The following RBFOX1 variants were observed in gnomAD, a reference collection of about 807,000 sequenced individuals.
RBFOX1 encodes RNA binding fox-1 homolog 1.
Under a neutral mutation model 57.7 loss-of-function variants are expected in RBFOX1, and 8 were observed. The ratio of observed to expected loss-of-function variants is 0.14; its 90% CI spans 0.08 to 0.25. The LOEUF is 0.25. Among genes scored for constraint, RBFOX1 ranks in the 10% least tolerant of loss-of-function variants. The pLI is 1.00. For synonymous variants in RBFOX1, 326 were observed against 222.4 expected (o/e 1.47, Z -4.15); for missense variants, 611 against 548.5 (o/e 1.11, Z -1.14).
intron 1 of RBFOX1, among the ~76,000 whole-genome samples, chr16:6,254,620 C>A (rs570642272): frequency 5.3e-5 from 8 of 152,104 alleles, no homozygotes; most frequent in Non-Finnish European, 1.2e-4. Context: ...CCTTCATAAA[C>A]CTTTGACTGA....
chr16:6,464,196 A>G (rs2094986837), intron 2 of RBFOX1, among the ~76,000 whole-genome samples: 1 of 152,174 alleles, frequency 6.6e-6, no homozygotes, highest in South Asian at 2.1e-4. Flanking sequence ...GATCTTTACA[A>G]CTTGAATTGG....
Position 7,019,763 on chromosome 16 carries a change from C to G in RBFOX1, c.-15-32294C>G, listed in dbSNP as rs541230158. On this transcript the variant is annotated intron_variant, in intron 3 of 15. Transcript: ENST00000550418. ...ACTGCATGTTTATGGGCTTTGCCCA[C>G]CAGGTTTAGCTTGTACAAGGAAATA... Among the ~76,000 whole-genome samples the G allele has an allele frequency of 9.2e-5, 14 of 152,294 alleles. No homozygotes were observed. In the South Asian group the frequency reaches 2.9e-3, roughly 32 times the overall value.
intron 2 of RBFOX1, among the ~76,000 whole-genome samples, chr16:6,568,971 C>G (rs1402300941): frequency 6.6e-6 from 1 of 152,070 alleles, no homozygotes; most frequent in Non-Finnish European, 1.5e-5. Context: ...TGGGATTTCA[C>G]CACATTGGCC....
intron 4 of RBFOX1, among the ~76,000 whole-genome samples, chr16:7,462,446 G>A (rs1252594865): frequency 6.6e-6 from 1 of 152,184 alleles, no homozygotes; most frequent in African/African-American, 2.4e-5. Flanking sequence ...AGCCAAGATC[G>A]TGCCATTGCA....
At chr16:7,070,646 T>C (rs2057137686) in intron 4 of RBFOX1, among the ~76,000 whole-genome samples, 1 of 152,220 alleles carries the variant, frequency 6.6e-6, no homozygotes, top group South Asian at 2.1e-4. Flanking sequence ...AATGTTCTAA[T>C]GCAGAGCCAT....
At chr16:5,727,548 A>G (rs2052198797) in intron 3 of RBFOX1, among the ~76,000 whole-genome samples, 2 of 152,188 alleles carry the variant, frequency 1.3e-5, no homozygotes, top group African/African-American at 4.8e-5. Flanking sequence ...GCTATTATGT[A>G]GAGTCACCAT....
At chr16:7,083,075 A>G (rs1390678254) in intron 4 of RBFOX1, among the ~76,000 whole-genome samples, 1 of 152,100 alleles carries the variant, frequency 6.6e-6, no homozygotes, top group Non-Finnish European at 1.5e-5. Context: ...TAAATAGAAA[A>G]TGTCACTCTG....
chr16:6,907,642 C>T (rs1335123675), intron 3 of RBFOX1, among the ~76,000 whole-genome samples: 1 of 152,198 alleles, frequency 6.6e-6, no homozygotes, highest in Non-Finnish European at 1.5e-5. Context: ...ACGATCTTGG[C>T]TCACTGCAGC....
chr16:6,662,712 A>G (rs1441907503), intron 3 of RBFOX1, among the ~76,000 whole-genome samples: 1 of 152,138 alleles, frequency 6.6e-6, no homozygotes, highest in Non-Finnish European at 1.5e-5. Flanking sequence ...CTTTTTGACC[A>G]AGAGACCCAG....
intron 4 of RBFOX1, among the ~76,000 whole-genome samples, chr16:7,088,691 A>C (rs75402406): frequency 0.015 from 2,221 of 152,258 alleles, 45 homozygotes; most frequent in African/African-American, 0.051. Context: ...GTTTTGGGAG[A>C]CAAATATATA....
Position 6,720,638 on chromosome 16 carries a change from G to A in RBFOX1, c.-16+65988G>A, listed in dbSNP as rs117800774. The stretch of plus-strand genomic sequence containing the variant: ...GGAGAATAGTTGGGGAGAAAGAGAC[G>A]TGTCGGGAGAATAGTTGGTGAGAAG... On this transcript the variant is annotated intron_variant, in intron 3 of 15. Coordinates refer to ENST00000550418, the MANE Select transcript of RBFOX1 (RefSeq NM_018723.4). 2.6e-3 allele frequency among the ~76,000 whole-genome samples: 398 copies of A among 152,186 alleles called. 2 individuals carry two copies. In the Middle Eastern group the frequency reaches 0.031, roughly 12 times the overall value.
chr16:6,518,773 A>ATCCGTCTG (rs1430925428), intron 2 of RBFOX1, among the ~76,000 whole-genome samples: 1 of 77,366 alleles, frequency 1.3e-5, no homozygotes, highest in Non-Finnish European at 2.9e-5. Flanking sequence ...CTATCTATCC[A>ATCCGTCTG]TCTGTCTGTC....
chr16:5,535,043 A>G (rs73516471), intron 2 of RBFOX1, among the ~76,000 whole-genome samples: 12,676 of 152,250 alleles, frequency 0.083, 1,199 homozygotes, highest in African/African-American at 0.23. Context: ...AACTATCCTC[A>G]TGGGGCTTAG....
At chr16:6,594,456 C>T (rs531808527) in intron 2 of RBFOX1, among the ~76,000 whole-genome samples, 13 of 152,220 alleles carry the variant, frequency 8.5e-5, no homozygotes, top group African/African-American at 2.6e-4. Context: ...GTGGCAAACT[C>T]GGCAATAAAT....
chr16:7,223,293 C>G (rs888706137), intron 4 of RBFOX1, among the ~76,000 whole-genome samples: 6 of 152,186 alleles, frequency 3.9e-5, no homozygotes, highest in African/African-American at 1.2e-4. Flanking sequence ...CTGGGTGTCT[C>G]TTGATTGTCA....
intron 2 of RBFOX1, among the ~76,000 whole-genome samples, chr16:6,619,881 C>A (rs138601103): frequency 7.9e-5 from 12 of 152,022 alleles, no homozygotes; most frequent in Middle Eastern, 3.4e-3. Flanking sequence ...TACAATAGGC[C>A]GCAGTTTGTG....
At chr16:7,283,466 G>A (rs1048029300) in intron 4 of RBFOX1, among the ~76,000 whole-genome samples, 1 of 152,008 alleles carries the variant, frequency 6.6e-6, no homozygotes, top group African/African-American at 2.4e-5. Flanking sequence ...TGGTGGAAAG[G>A]AGTATGAATT....
At position 7,548,685 on chromosome 16, in the gene RBFOX1, C is replaced by T. The variant is rs543466649; in HGVS notation, c.270+30296C>T. Among the ~76,000 whole-genome samples, 7 of 152,326 alleles carry T rather than the reference C, an allele frequency of 4.6e-5. No homozygotes were observed. The South Asian group carries it at 1.5e-3, about 32-fold the overall frequency. ...GCTTCTCGCCTCCAGCCAGTTTCGG[C>T]TGCTGTTCACCCATATCTCCCATCG... is the stretch of plus-strand genomic sequence containing the variant. On this transcript the variant is annotated intron_variant, in intron 5 of 15. Transcript: ENST00000550418.
chr16:6,007,633 A>G (rs1733002041), intron 4 of RBFOX1, among the ~76,000 whole-genome samples: 1 of 152,236 alleles, frequency 6.6e-6, no homozygotes, highest in African/African-American at 2.4e-5. Flanking sequence ...TAACTAATAC[A>G]GTGGATATTT....
Sources: gnomAD v4.1 joint callset for allele counts (sites outside exome capture counted in the v4.1 genomes callset) on GRCh38, gnomAD v4.1.1 for gene constraint, MANE v1.5 for transcripts, NCBI Gene and HGNC (gene_info 2026-07-23, HGNC 2026-07-21) for gene names.